Variants in EEF2KMT observed in about 807,000 individuals in gnomAD.
The protein encoded by EEF2KMT is protein-lysine N-methyltransferase EEF2KMT.
In EEF2KMT, 30 loss-of-function variants were observed where a neutral mutation model predicts 35.1. The ratio of observed to expected loss-of-function variants is 0.85; its 90% CI spans 0.64 to 1.16. The LOEUF is 1.16. Among genes scored for constraint, EEF2KMT ranks in the 50% most tolerant of loss-of-function variants. The probability of loss-of-function intolerance (pLI) is 0.00; values close to 1 mark genes in which losing one functional copy is unlikely to be tolerated. For synonymous variants in EEF2KMT, 190 were observed against 187.7 expected (o/e 1.01, Z -0.10); for missense variants, 499 against 438.2 (o/e 1.14, Z -1.24).
intron 7 of EEF2KMT, among the ~76,000 whole-genome samples, chr16:5,087,579 C>G (rs1957223630): frequency 1.3e-5 from 2 of 152,154 alleles, no homozygotes; most frequent in South Asian, 2.1e-4. Flanking sequence ...CGGCAGATCA[C>G]TTGAGGTCAG....
At chr16:5,089,821 A>G (rs1957301710) in intron 6 of EEF2KMT, among the ~76,000 whole-genome samples, 3 of 152,190 alleles carry the variant, frequency 2.0e-5, no homozygotes, top group African/African-American at 7.2e-5. Context: ...TCTGAAGGAC[A>G]CAGGGCATGG....
At chr16:5,097,296 GCTGA>G (rs1382324213) in intron 1 of EEF2KMT, 2 of 1,345,392 alleles carry the variant, frequency 1.5e-6, no homozygotes, top group Admixed American at 2.2e-5. Context: ...TCCTGACGGC[GCTGA>G]CTTTTTAGAA....
rs1957129807 is a variant in EEF2KMT at position 5,085,623 on chromosome 16, G to A, written c.*9C>T. 1.3e-6 allele frequency: 2 copies of A among 1,571,626 alleles called. No homozygotes were observed. Among genetic ancestry groups the A allele is most frequent in the Non-Finnish European group, 1.7e-6 (2 of 1,143,084 alleles). On this transcript the variant is annotated 3_prime_UTR_variant, in exon 8 of 8. Transcript: ENST00000427587. ...ATTCTCACAATCCCGTTGGAGTCGT[G>A]TGTGAGTCCTACAGGGTGAGATTCA...
intron 2 of EEF2KMT, 32 bp from the exon 3 acceptor site, chr16:5,093,596 A>G (rs1800303322): frequency 1.9e-6 from 3 of 1,611,680 alleles, no homozygotes; most frequent in East Asian, 2.2e-5. Flanking sequence ...TGGTTGCTCG[A>G]GAGCCCGTCT....
Position 5,085,069 on chromosome 16 carries a change from C to A in EEF2KMT, c.*563G>T, listed in dbSNP as rs943596760. On this transcript the variant is annotated 3_prime_UTR_variant, in exon 8 of 8. Coordinates refer to ENST00000427587, the MANE Select transcript of EEF2KMT (RefSeq NM_201400.4). ...AAGCTTTGGTTGGCCTTGATTTCTT[C>A]TCTGGAGGCTTGGAAACGCTTCCTC... The A allele has an allele frequency of 1.9e-6, 2 of 1,065,836 alleles. No homozygotes were observed. Among genetic ancestry groups the A allele is most frequent in the African/African-American group, 3.2e-5 (2 of 63,120 alleles). The allele number at this position is 1,065,836 out of a possible 1,614,324, so 66.0% of individuals were successfully genotyped here.
chr16:5,084,594 T>A lies in EEF2KMT; in HGVS notation c.*1038A>T. On this transcript the variant is annotated 3_prime_UTR_variant, in exon 8 of 8. Coordinates refer to ENST00000427587, the MANE Select transcript of EEF2KMT (RefSeq NM_201400.4). ...CTGTGATGTCAAGTTGGAGGCGGAG[T>A]GCTGCTGGGGTGTGAAGGGTCTCGA... The A allele has an allele frequency of 8.7e-7, 1 of 1,151,294 alleles. No homozygotes were observed. Among genetic ancestry groups the A allele is most frequent in the Non-Finnish European group, 1.2e-6 (1 of 801,294 alleles). The allele number at this position is 1,151,294 out of a possible 1,614,324, so 71.3% of individuals were successfully genotyped here. A position where few individuals can be genotyped will look rare whatever the true frequency, so the allele number is the denominator to read the frequency against.
chr16:5,086,983 G>A (rs928148613), intron 7 of EEF2KMT: 9 of 152,158 alleles, frequency 5.9e-5, no homozygotes, highest in African/African-American at 1.7e-4. Context: ...GACCCGGGAC[G>A]ATTTTCAATC....
At chr16:5,088,908 G>A (rs1306546011) in intron 7 of EEF2KMT, among the ~76,000 whole-genome samples, 199 bp downstream of exon 7, 1 of 152,202 alleles carries the variant, frequency 6.6e-6, no homozygotes, top group Non-Finnish European at 1.5e-5. Context: ...CCCTCCCTGT[G>A]CTGAGCTGCC....
intron 4 of EEF2KMT, among the ~76,000 whole-genome samples, 178 bp downstream of exon 4, chr16:5,091,616 T>A (rs536353724): frequency 6.6e-6 from 1 of 152,322 alleles, no homozygotes; most frequent in South Asian, 2.1e-4. Flanking sequence ...GACATGCTGT[T>A]GTTGTTGAAG....
At chr16:5,092,057 C>T (rs1418119118) in intron 3 of EEF2KMT, 162 bp from the exon 4 acceptor site, 32 of 1,350,450 alleles carry the variant, frequency 2.4e-5, no homozygotes, top group East Asian at 8.0e-5. Context: ...TGGTGTGTGC[C>T]GAATAGTCCC....
chr16:5,092,953 C>G (rs969995464), intron 3 of EEF2KMT, among the ~76,000 whole-genome samples: 4 of 152,056 alleles, frequency 2.6e-5, no homozygotes, highest in Admixed American at 2.0e-4. Context: ...CAGTGAGACT[C>G]TGTCTCAAAA....
intron 2 of EEF2KMT, 109 bp from the exon 3 acceptor site, chr16:5,093,673 A>G (rs1398132072): frequency 1.3e-6 from 2 of 1,559,378 alleles, no homozygotes; most frequent in East Asian, 2.3e-5. Flanking sequence ...ATCCCTCAGC[A>G]AAGATGTAGA....
At position 5,090,679 on chromosome 16, in the gene EEF2KMT, A is replaced by G; in HGVS notation, c.343-114T>C. 1 of 1,370,326 alleles carries G rather than the reference A, an allele frequency of 7.3e-7. No homozygotes were observed. The highest frequency in any genetic ancestry group is 2.1e-5 in the Admixed American group (1 of 48,228). The allele number at this position is 1,370,326 out of a possible 1,614,324, so 84.9% of individuals were successfully genotyped here. A position where few individuals can be genotyped will look rare whatever the true frequency, so the allele number is the denominator to read the frequency against. The stretch of plus-strand genomic sequence containing the variant: ...ACCATGACAGGACCAATCGCCACTC[A>G]GCAATGAGAAGCAGCTAACTGTTGG... On this transcript the variant is annotated intron_variant, in intron 4 of 7. Transcript: ENST00000427587. This position sits in a 1 kb window ranked among gnomAD's most constrained non-coding sequence, Gnocchi z 4.1.
intron 3 of EEF2KMT, among the ~76,000 whole-genome samples, chr16:5,092,199 C>G (rs970385872): frequency 2.6e-5 from 4 of 152,022 alleles, no homozygotes; most frequent in Non-Finnish European, 4.4e-5. Context: ...GGCCTTGAAC[C>G]AGAGGTGTTG....
Position 5,097,776 on chromosome 16 carries a change from G to A in EEF2KMT, c.-37C>T, listed in dbSNP as rs1431026844. On this transcript the variant is annotated 5_prime_UTR_variant, in exon 1 of 8. Coordinates refer to ENST00000427587, the MANE Select transcript of EEF2KMT (RefSeq NM_201400.4). ...GGCCGCAGCGTTGCCGGCAGACCGG[G>A]CGGAAGCCCGGCCTGGACTGAAGAG... is the stretch of plus-strand genomic sequence containing the variant. The A allele has an allele frequency of 4.1e-5, 63 of 1,535,534 alleles. No homozygotes were observed. The highest frequency in any genetic ancestry group is 5.1e-5 in the Non-Finnish European group (59 of 1,146,774).
chr16:5,088,354 G>C (rs1459990495), intron 7 of EEF2KMT, among the ~76,000 whole-genome samples: 1 of 152,196 alleles, frequency 6.6e-6, no homozygotes, highest in Non-Finnish European at 1.5e-5. Context: ...GACAGGCACT[G>C]GGTTGTCTGT....
chr16:5,084,685 G>T lies in EEF2KMT; in HGVS notation c.*947C>A. 1 of 1,595,604 alleles carries T rather than the reference G, an allele frequency of 6.3e-7. No homozygotes were observed. Among genetic ancestry groups the T allele is most frequent in the South Asian group, 1.1e-5 (1 of 90,906 alleles). ...TGGGTCGGGGACCTGGGGTCAGCCA[G>T]GTGGTGACCTGGGATGGGGTGGGGA... On this transcript the variant is annotated 3_prime_UTR_variant, in exon 8 of 8. Transcript: ENST00000427587.
rs563906417 is a variant in EEF2KMT, at chr16:5,090,032, G to T, written c.742+52C>A. ...TCCCTTTTCCCAGAGCCAAGAGCTG[G>T]GTAGAGCTGCAAGGACACCACCTGC... is the stretch of plus-strand genomic sequence containing the variant. On this transcript the variant is annotated intron_variant, in intron 6 of 7. Coordinates refer to ENST00000427587, the MANE Select transcript of EEF2KMT (RefSeq NM_201400.4). This position sits in a 1 kb window ranked among gnomAD's most constrained non-coding sequence, Gnocchi z 4.1. 117 of 1,597,328 alleles carry T rather than the reference G, an allele frequency of 7.3e-5. No individual in the cohort carries two copies. Among genetic ancestry groups the T allele is most frequent in the Non-Finnish European group, 9.5e-5 (112 of 1,179,344 alleles).
At position 5,085,827 on chromosome 16, in the gene EEF2KMT, G is replaced by C. The variant is rs1957143274; in HGVS notation, c.893-95C>G. On this transcript the variant is annotated intron_variant, in intron 7 of 7. Coordinates refer to ENST00000427587, the MANE Select transcript of EEF2KMT (RefSeq NM_201400.4). ...CTGCTAGGACAGGCCTGGCGGGGTA[G>C]GGGGGTGTCCAAGTCAGTTTACTTG... is the stretch of plus-strand genomic sequence containing the variant. 5 of 970,672 alleles carry C rather than the reference G, an allele frequency of 5.2e-6. No homozygotes were observed. The East Asian group carries it at 1.2e-4, about 24-fold the overall frequency. The allele number at this position is 970,672 out of a possible 1,614,324, so 60.1% of individuals were successfully genotyped here.
Sources: allele counts gnomAD v4.1 joint callset (sites outside exome capture counted in the v4.1 genomes callset), GRCh38; gene constraint gnomAD v4.1.1; non-coding constraint Gnocchi (gnomAD v3.1); transcripts MANE v1.5; gene names NCBI Gene and HGNC (gene_info 2026-07-23, HGNC 2026-07-21).